Variants in GAB4 observed in about 807,000 individuals in gnomAD.
GAB4 encodes GRB2-associated-binding protein 4.
A neutral mutation model predicts 51.3 loss-of-function variants in GAB4; 26 were observed. The observed-to-expected ratio is 0.51, with a 90% CI of 0.37 to 0.70. GAB4 has a LOEUF of 0.70. GAB4 is among the 30% of genes least tolerant of loss of function. The pLI, the probability that GAB4 is intolerant of heterozygous loss-of-function variation, is 0.00. For synonymous variants in GAB4, 329 were observed against 291.2 expected (o/e 1.13, Z -1.32); for missense variants, 759 against 734.6 (o/e 1.03, Z -0.38).
intron 4 of GAB4, 160 bp downstream of exon 4, chr22:16,969,783 G>C: frequency 1.1e-6 from 1 of 890,304 alleles, no homozygotes. Context: ...TATGGGCCCA[G>C]GAGTGGCCAC....
intron 9 of GAB4, 76 bp from the exon 10 acceptor site, chr22:16,962,952 GCT>G: frequency 7.0e-7 from 1 of 1,434,272 alleles, no homozygotes; most frequent in Non-Finnish European, 9.6e-7. Flanking sequence ...CAAGGAGTGG[GCT>G]CTCTCAAACT....
chr22:16,991,313 G>GAA (rs59969063), intron 2 of GAB4, among the ~76,000 whole-genome samples: 3,135 of 117,310 alleles, frequency 0.027, 53 homozygotes, highest in Middle Eastern at 0.078. Context: ...TCTGCCTCAG[G>GAA]AAAAAAAAAA....
At chr22:16,975,476 C>T (rs2060769749) in intron 3 of GAB4, among the ~76,000 whole-genome samples, 2 of 152,200 alleles carry the variant, frequency 1.3e-5, no homozygotes, top group Non-Finnish European at 2.9e-5. Context: ...CCTCTCTGGG[C>T]AGGACATCTC....
chr22:16,992,232 C>T (rs2060920140), intron 1 of GAB4, 56 bp from the exon 2 acceptor site: 7 of 1,492,322 alleles, frequency 4.7e-6, no homozygotes, highest in Non-Finnish European at 6.4e-6. Flanking sequence ...AAGCTTTTAA[C>T]AGGTCTGAGA....
chr22:16,969,792 A>G, intron 4 of GAB4, 151 bp downstream of exon 4: 1 of 985,090 alleles, frequency 1.0e-6, no homozygotes, highest in Non-Finnish European at 1.5e-6. Context: ...AGGAGTGGCC[A>G]CCACCATGGC....
At position 16,963,752 on chromosome 22, in the gene GAB4, G is replaced by A. The variant is rs749685093; in HGVS notation, c.1554C>T (p.Tyr518=). The change falls in exon 9 of 10, where the codon TAC becomes TAT. Residue 518 remains tyrosine (Y), a synonymous_variant. Coordinates refer to ENST00000400588, the MANE Select transcript of GAB4 (RefSeq NM_001037814.1). ...APPRSTGNIH[Y]AALDFQPSKP... The stretch of plus-strand genomic sequence containing the variant: ...TGCTCGGCTGGAAGTCCAGGGCCGC[G>A]TAGTGGATGTTACCAGTGCTCCTCG... The A allele has an allele frequency of 1.2e-5, 20 of 1,613,610 alleles. No individual in the cohort carries two copies. The highest frequency in any genetic ancestry group is 1.7e-4 in the Middle Eastern group (1 of 5,878).
chr22:17,003,645 C>A (rs2061016289), intron 1 of GAB4, among the ~76,000 whole-genome samples: 1 of 152,052 alleles, frequency 6.6e-6, no homozygotes, highest in Non-Finnish European at 1.5e-5. Flanking sequence ...AACAAAGACA[C>A]AATGTACCAC....
chr22:16,997,702 GAA>G (rs1335630676), intron 1 of GAB4, among the ~76,000 whole-genome samples: 1 of 152,182 alleles, frequency 6.6e-6, no homozygotes, highest in Non-Finnish European at 1.5e-5. Flanking sequence ...TTTTAATTAT[GAA>G]GTCCTTGCCC....
chr22:17,004,913 T>C, intron 1 of GAB4, among the ~76,000 whole-genome samples: 1 of 152,184 alleles, frequency 6.6e-6, no homozygotes, highest in East Asian at 1.9e-4. Flanking sequence ...GGGCAAAAGC[T>C]AGAAGGATTC....
chr22:16,966,500 G>T lies in GAB4; in HGVS notation c.1024-136C>A. On this transcript the variant is annotated intron_variant, in intron 5 of 9. Transcript: ENST00000400588. ...CTTTTGATCACCTTGGCTGGGGGCT[G>T]CTGTCTTCAGCAGCCACCTGCGGCC... The T allele has an allele frequency of 6.9e-6, 6 of 867,952 alleles. No individual in the cohort carries two copies. The South Asian group carries it at 1.1e-4, about 16-fold the overall frequency. The allele number at this position is 867,952 out of a possible 1,614,324, so 53.8% of individuals were successfully genotyped here.
At chr22:16,987,113 C>A (rs911924892) in intron 3 of GAB4, among the ~76,000 whole-genome samples, 14 of 152,238 alleles carry the variant, frequency 9.2e-5, no homozygotes, top group Admixed American at 2.6e-4. Flanking sequence ...TCACAGATGT[C>A]ATGAAGTCAT....
intron 2 of GAB4, among the ~76,000 whole-genome samples, chr22:16,991,503 T>A (rs950839328): frequency 6.6e-6 from 1 of 152,160 alleles, no homozygotes; most frequent in African/African-American, 2.4e-5. Flanking sequence ...CCTAAGTGAT[T>A]ATAAATCAGT....
chr22:17,002,452 G>A (rs1459281195), intron 1 of GAB4, among the ~76,000 whole-genome samples: 1 of 152,040 alleles, frequency 6.6e-6, no homozygotes, highest in Non-Finnish European at 1.5e-5. Flanking sequence ...CACTAAATAT[G>A]CAAAGGAAAA....
chr22:16,966,494 G>C (rs1184059701), intron 5 of GAB4, 130 bp from the exon 6 acceptor site: 2 of 931,558 alleles, frequency 2.1e-6, no homozygotes, highest in East Asian at 5.3e-5. Context: ...ACCTTGGCTG[G>C]GGGCTGCTGT....
chr22:16,973,371 G>T (rs571567942), intron 3 of GAB4, among the ~76,000 whole-genome samples: 1 of 152,248 alleles, frequency 6.6e-6, no homozygotes, highest in East Asian at 1.9e-4. Context: ...AGTAAATAAA[G>T]AAAAGTGGGG....
chr22:16,993,649 A>C (rs1254776125), intron 1 of GAB4, among the ~76,000 whole-genome samples: 2 of 152,196 alleles, frequency 1.3e-5, no homozygotes, highest in African/African-American at 4.8e-5. Context: ...GAACAGCTGG[A>C]GAGAAATACA....
Position 16,970,149 on chromosome 22 carries a change from C to T in GAB4, c.731G>A (p.Arg244Lys), listed in dbSNP as rs944601375. Residue 244 changes from arginine to lysine, a missense_variant, in exon 4 of 10, where the codon AGG becomes AAG. By Grantham distance (26) the Arg-to-Lys change is conservative. Transcript: ENST00000400588. ...SQGSEAPFIM[R>K]RNTAMQNLAQ... Reference sequence around the variant, plus strand: ...AAGATTTTGCATGGCTGTGTTTCTCCTCATGATGAATGGGGCCTCAGAACC... The same window carrying T: ...AAGATTTTGCATGGCTGTGTTTCTCTTCATGATGAATGGGGCCTCAGAACC... 6.2e-7 allele frequency: 1 copy of T among 1,614,182 alleles called. No homozygotes were observed. Among genetic ancestry groups the T allele is most frequent in the Non-Finnish European group, 8.5e-7 (1 of 1,180,040 alleles).
At chr22:16,983,922 C>G (rs1243182518) in intron 3 of GAB4, among the ~76,000 whole-genome samples, 2 of 152,108 alleles carry the variant, frequency 1.3e-5, no homozygotes, top group South Asian at 4.1e-4. Context: ...ACCTCAAATG[C>G]ACAGGTAATC....
chr22:16,966,251 G>C lies in GAB4; in HGVS notation c.1137C>G (p.Ser379=), dbSNP rs1183423429. The change falls in exon 6 of 10, where the codon TCC becomes TCG. Residue 379 remains serine, a synonymous_variant. Coordinates refer to ENST00000400588, the MANE Select transcript of GAB4 (RefSeq NM_001037814.1). ...AGCCCACAGGGATGCAGACACCCTG[G>C]GAATCATCGCCTGCTTGCTTCACAG... ...LPAVKQAGDD[S]QGVCIPVGSC... The C allele has an allele frequency of 3.1e-6, 5 of 1,613,852 alleles. No homozygotes were observed. Among genetic ancestry groups the C allele is most frequent in the Non-Finnish European group, 4.2e-6 (5 of 1,179,986 alleles).
Sources: allele counts gnomAD v4.1 joint callset (sites outside exome capture counted in the v4.1 genomes callset), GRCh38; gene constraint gnomAD v4.1.1; transcripts MANE v1.5; gene names NCBI Gene and HGNC (gene_info 2026-07-23, HGNC 2026-07-21).